KCTD16: variants seen among roughly 807,000 people sequenced by gnomAD.
The protein encoded by KCTD16 is BTB/POZ domain-containing protein KCTD16.
Under a neutral mutation model 33.2 loss-of-function variants are expected in KCTD16, and 13 were observed. That is an observed-to-expected ratio of 0.39 (90% CI 0.25 to 0.62). The LOEUF is 0.62. KCTD16 is among the 20% of genes least tolerant of loss of function. KCTD16 has a pLI of 0.50. For synonymous variants in KCTD16, 197 were observed against 195.3 expected (o/e 1.01, Z -0.07); for missense variants, 441 against 525.1 (o/e 0.84, Z 1.57).
intron 3 of KCTD16, among the ~76,000 whole-genome samples, chr5:144,459,225 T>C (rs915054800): frequency 1.4e-4 from 21 of 152,182 alleles, no homozygotes; most frequent in African/African-American, 4.8e-4. Context: ...TGGAAATCTA[T>C]GTCAGAAAGT....
At chr5:144,399,789 G>T (rs1264911940) in intron 3 of KCTD16, among the ~76,000 whole-genome samples, 2 of 152,142 alleles carry the variant, frequency 1.3e-5, no homozygotes, top group Non-Finnish European at 2.9e-5. Flanking sequence ...AACCAAAGCA[G>T]TTCTGCCTGT....
chr5:144,196,373 T>C (rs1752939281), intron 2 of KCTD16, among the ~76,000 whole-genome samples: 1 of 152,154 alleles, frequency 6.6e-6, no homozygotes, highest in African/African-American at 2.4e-5. Context: ...TTCTTTACCC[T>C]TATAGGTATA....
chr5:144,391,362 G>T (rs765594771), intron 3 of KCTD16, among the ~76,000 whole-genome samples: 2 of 152,184 alleles, frequency 1.3e-5, no homozygotes, highest in Non-Finnish European at 2.9e-5. Flanking sequence ...TCTTTTGCCC[G>T]ATCAATTCCT....
intron 3 of KCTD16, among the ~76,000 whole-genome samples, chr5:144,367,066 C>G (rs1751853411): frequency 6.6e-6 from 1 of 152,190 alleles, no homozygotes; most frequent in Non-Finnish European, 1.5e-5. Flanking sequence ...GAATCAGGAG[C>G]CCAATCACAG....
intron 3 of KCTD16, among the ~76,000 whole-genome samples, chr5:144,422,394 A>T (rs1753230866): frequency 6.6e-6 from 1 of 152,174 alleles, no homozygotes; most frequent in Non-Finnish European, 1.5e-5. Context: ...CATTTTAAAA[A>T]TTTCAAACGG....
At chr5:144,181,652 G>A (rs892344877) in intron 2 of KCTD16, among the ~76,000 whole-genome samples, 2 of 152,194 alleles carry the variant, frequency 1.3e-5, no homozygotes, top group Admixed American at 1.3e-4. Context: ...GAAACTGGAG[G>A]ACACTATGTT....
rs147565110 is a variant in KCTD16 at position 144,223,165 on chromosome 5, G to T, written c.832+15619G>T. On this transcript the variant is annotated intron_variant, in intron 3 of 3. Transcript: ENST00000512467. ...TTGTGGGGTCGGGGGAGCGGGGAGG[G>T]ATAGCATTAGGAGATATACCTAATG... is the stretch of plus-strand genomic sequence containing the variant. Among the ~76,000 whole-genome samples the T allele has an allele frequency of 1.9e-4, 29 of 152,168 alleles. No individual in the cohort carries two copies. In the East Asian group the frequency reaches 4.6e-3, roughly 24 times the overall value.
At position 144,476,165 on chromosome 5, in the gene KCTD16, A is replaced by G. The variant is rs1363496744; in HGVS notation, c.*2051A>G. The G allele has an allele frequency of 6.6e-6, 1 of 152,226 alleles. No homozygotes were observed. Among genetic ancestry groups the G allele is most frequent in the Non-Finnish European group, 1.5e-5 (1 of 68,042 alleles). 9.4% of individuals were successfully genotyped at this position (152,226 alleles called of 1,614,324 possible). On this transcript the variant is annotated 3_prime_UTR_variant, in exon 4 of 4. Transcript: ENST00000512467. Reference sequence around the variant, plus strand: ...AACAGAAGATCTTGCAAAGAATCACAGAGCTTAATGGGTCAAGAAGTTGAA... The same window carrying G: ...AACAGAAGATCTTGCAAAGAATCACGGAGCTTAATGGGTCAAGAAGTTGAA...
intron 3 of KCTD16, among the ~76,000 whole-genome samples, chr5:144,287,762 G>A (rs1000230193): frequency 6.6e-6 from 1 of 151,832 alleles, no homozygotes; most frequent in Non-Finnish European, 1.5e-5. Context: ...TCAGCCTCCC[G>A]AGTAGCTGGG....
chr5:144,361,731 T>G (rs186435233), intron 3 of KCTD16, among the ~76,000 whole-genome samples: 3 of 152,296 alleles, frequency 2.0e-5, no homozygotes, highest in Admixed American at 6.5e-5. Flanking sequence ...AGATAACATT[T>G]AGAAATCTCA....
In KCTD16 at chr5:144,364,485, C is replaced by T. The variant is rs767510004; in HGVS notation, c.833-109175C>T. 1.4e-4 allele frequency among the ~76,000 whole-genome samples: 22 copies of T among 152,204 alleles called. No homozygotes were observed. The East Asian group carries it at 2.3e-3, about 16-fold the overall frequency. ...AGCATGACTCCACAGGTTATCACAT[C>T]GAAGTAGATCCAATCGCATTTTATC... On this transcript the variant is annotated intron_variant, in intron 3 of 3. Transcript: ENST00000512467.
intron 3 of KCTD16, among the ~76,000 whole-genome samples, chr5:144,222,729 C>T (rs185316838): frequency 3.9e-5 from 6 of 152,242 alleles, no homozygotes; most frequent in East Asian, 1.9e-4. Flanking sequence ...TGGAAGACAG[C>T]GTAGCGATTC....
intron 2 of KCTD16, among the ~76,000 whole-genome samples, chr5:144,177,196 T>G (rs931281084): frequency 6.6e-6 from 1 of 152,188 alleles, no homozygotes; most frequent in East Asian, 1.9e-4. Flanking sequence ...ATTAGAGTTA[T>G]TTTAAAGAAG....
chr5:144,281,365 C>T (rs1229246521), intron 3 of KCTD16, among the ~76,000 whole-genome samples: 1 of 152,164 alleles, frequency 6.6e-6, no homozygotes, highest in Non-Finnish European at 1.5e-5. Flanking sequence ...GCTTTAGATG[C>T]ACTCTGTACA....
intron 3 of KCTD16, among the ~76,000 whole-genome samples, chr5:144,319,876 G>A (rs966627705): frequency 2.0e-5 from 3 of 151,956 alleles, no homozygotes; most frequent in Admixed American, 1.3e-4. Context: ...AAATTGCTAC[G>A]CTATTTTATG....
At chr5:144,338,928 A>G (rs557707279) in intron 3 of KCTD16, among the ~76,000 whole-genome samples, 4 of 152,328 alleles carry the variant, frequency 2.6e-5, no homozygotes, top group Admixed American at 2.6e-4. Context: ...AAAATTTGCT[A>G]GTAGTTAACA....
intron 2 of KCTD16, among the ~76,000 whole-genome samples, chr5:144,199,938 C>T (rs983042456): frequency 1.2e-4 from 18 of 151,944 alleles, no homozygotes; most frequent in African/African-American, 4.1e-4. Context: ...TGGTCTCGAT[C>T]TCCTGATCTC....
chr5:144,399,397 G>A (rs1337552514), intron 3 of KCTD16, among the ~76,000 whole-genome samples: 2 of 152,000 alleles, frequency 1.3e-5, no homozygotes, highest in African/African-American at 4.8e-5. Context: ...AAAATAGACA[G>A]TGATTAGGCT....
chr5:144,403,255 G>A (rs1046480212), intron 3 of KCTD16, among the ~76,000 whole-genome samples: 1 of 152,126 alleles, frequency 6.6e-6, no homozygotes, highest in Non-Finnish European at 1.5e-5. Flanking sequence ...CTAACCTCTG[G>A]TACCTATGAA....
Sources: allele counts gnomAD v4.1 joint callset (sites outside exome capture counted in the v4.1 genomes callset), GRCh38; gene constraint gnomAD v4.1.1; transcripts MANE v1.5; gene names NCBI Gene and HGNC (gene_info 2026-07-23, HGNC 2026-07-21).